The following ACOT11 variants were observed in gnomAD, a reference collection of about 807,000 sequenced individuals.
ACOT11 encodes acyl-coenzyme A thioesterase 11.
A neutral mutation model predicts 77.5 loss-of-function variants in ACOT11; 69 were observed. That is an observed-to-expected ratio of 0.89 (90% confidence interval 0.73 to 1.09). The LOEUF (loss-of-function observed/expected upper bound fraction) is 1.09. Ranked by LOEUF, ACOT11 falls within the 50% of genes least tolerant of loss-of-function variation. The probability of loss-of-function intolerance (pLI) is 0.00; values close to 1 mark genes in which losing one functional copy is unlikely to be tolerated. For missense variants in ACOT11, 766 were observed against 813.7 expected, an observed-to-expected ratio of 0.94 and a Z score of 0.71; for synonymous variants, 279 against 313.0, an observed-to-expected ratio of 0.89 and a Z score of 1.15.
intron 1 of ACOT11, among the ~76,000 whole-genome samples, chr1:54,565,226 G>A (rs1476329885): frequency 6.6e-6 from 1 of 152,180 alleles, no homozygotes; most frequent in African/African-American, 2.4e-5. Flanking sequence ...TTCTGGATGG[G>A]GAGTCGAGGC....
downstream of ACOT11, among the ~76,000 whole-genome samples, chr1:54,615,094 G>A (rs77314204): frequency 6.6e-6 from 1 of 152,110 alleles, no homozygotes; most frequent in Non-Finnish European, 1.5e-5. Context: ...CATCTCCTGC[G>A]GGGAGGAAAC....
intron 10 of ACOT11, 63 bp from the exon 11 acceptor site, chr1:54,603,808 T>C (rs1330968123): frequency 2.7e-6 from 4 of 1,483,300 alleles, no homozygotes; most frequent in East Asian, 4.5e-5. Context: ...AGGCCTGCAG[T>C]AGAGTCTGTG....
intron 7 of ACOT11, among the ~76,000 whole-genome samples, chr1:54,599,072 G>A (rs555048399): frequency 7.4e-6 from 1 of 135,606 alleles, no homozygotes; most frequent in South Asian, 2.6e-4. Flanking sequence ...CTTGAACCCA[G>A]GAGGCAGAAG....
At chr1:54,610,346 C>A, downstream of ACOT11, 5 of 1,578,500 alleles carry the variant, frequency 3.2e-6, no homozygotes, top group Non-Finnish European at 3.4e-6. Flanking sequence ...CCGGCGGTAC[C>A]TGCCCCAAGC....
downstream of ACOT11, chr1:54,614,729 C>A (rs1157718332): frequency 3.1e-6 from 5 of 1,613,910 alleles, no homozygotes; most frequent in Non-Finnish European, 3.4e-6. Context: ...TTGAGATGAG[C>A]ATGTTGGGGC....
rs199698636 is a variant in ACOT11 at position 54,597,307 on chromosome 1, G to C, written c.656G>C (p.Arg219Pro). The change falls in exon 7 of 16, where the codon CGT (arginine) becomes CCT (proline). Residue 219 changes from arginine to proline, a missense_variant. Transcript: ENST00000343744. ...CSRMVPAEKT[R>P]VESVELVLPP... ...CGCATGGTGCCGGCTGAGAAGACCC[G>C]TGTGGAGAGTGTGGAGCTGGTCCTG... 26 of 1,613,694 alleles carry C rather than the reference G, an allele frequency of 1.6e-5. No individual in the cohort carries two copies. Among genetic ancestry groups the C allele is most frequent in the Non-Finnish European group, 2.2e-5 (26 of 1,180,036 alleles).
At chr1:54,586,109 A>C in intron 3 of ACOT11, among the ~76,000 whole-genome samples, 1 of 2,074 alleles carries the variant, frequency 4.8e-4, no homozygotes, top group Middle Eastern at 0.1. Context: ...TGTTCTGTGC[A>C]GTGGGTGGGT....
intron 13 of ACOT11, among the ~76,000 whole-genome samples, chr1:54,606,687 C>G (rs1408659852): frequency 6.6e-6 from 1 of 152,202 alleles, no homozygotes. Context: ...ACATGTAAAG[C>G]ATTTAGAACA....
At chr1:54,548,602 C>T (rs1569620471) in intron 1 of ACOT11, 4 of 570,010 alleles carry the variant, frequency 7.0e-6, no homozygotes, top group Non-Finnish European at 1.2e-5. Flanking sequence ...CAAGTGTCGG[C>T]CTCTGGAATT....
downstream of ACOT11, chr1:54,612,714 C>CA (rs763058077): frequency 4.1e-5 from 66 of 1,609,558 alleles, no homozygotes; most frequent in African/African-American, 5.1e-4. Flanking sequence ...CAGGAACCTG[C>CA]AAAAAAATCA....
At chr1:54,634,562 A>C (rs1644320099) in intron 16 of ACOT11, 1 of 552,538 alleles carries the variant, frequency 1.8e-6, no homozygotes, top group Non-Finnish European at 3.2e-6. Flanking sequence ...GTGGAAAAAT[A>C]GGGATTACAG....
intron 3 of ACOT11, among the ~76,000 whole-genome samples, chr1:54,591,460 AG>A (rs1459918374): frequency 3.9e-5 from 6 of 152,244 alleles, no homozygotes; most frequent in African/African-American, 1.4e-4. Context: ...CTTGACCAGC[AG>A]GCCCCTTGGA....
At chr1:54,585,761 A>G (rs1654477037) in intron 2 of ACOT11, 74 bp from the exon 3 acceptor site, 2 of 1,519,032 alleles carry the variant, frequency 1.3e-6, no homozygotes, top group Admixed American at 3.5e-5. Context: ...AAGCCTCCTG[A>G]GGAGGTGCCA....
chr1:54,625,474 G>A (rs1644266441), intron 15 of ACOT11, among the ~76,000 whole-genome samples: 1 of 152,192 alleles, frequency 6.6e-6, no homozygotes, highest in African/African-American at 2.4e-5. Context: ...GCCTCACCCA[G>A]ATCCCTTCTG....
intron 1 of ACOT11, 24 bp downstream of exon 1, chr1:54,548,366 C>T (rs781719234): frequency 1.7e-5 from 27 of 1,596,466 alleles, no homozygotes; most frequent in South Asian, 8.0e-5. Context: ...GCTGGGGCAG[C>T]GGGAGGGCTC....
chr1:54,561,653 G>A (rs1653491998), intron 1 of ACOT11, among the ~76,000 whole-genome samples: 2 of 136,966 alleles, frequency 1.5e-5, no homozygotes, highest in African/African-American at 5.7e-5. Flanking sequence ...CGGGCAGAGG[G>A]GCTCCTCACT....
At chr1:54,572,493 G>A (rs1008259477) in intron 1 of ACOT11, among the ~76,000 whole-genome samples, 5 of 152,244 alleles carry the variant, frequency 3.3e-5, no homozygotes, top group East Asian at 1.9e-4. Context: ...CCACCCCACC[G>A]TCAGGGCCTG....
chr1:54,610,850 C>T, downstream of ACOT11: 1 of 985,380 alleles, frequency 1.0e-6, no homozygotes, highest in Non-Finnish European at 1.2e-6. Context: ...AATGCTGAGT[C>T]TGATGGGGCC....
At position 54,548,557 on chromosome 1, in the gene ACOT11, C is replaced by G. The variant is rs910355734; in HGVS notation, c.33+215C>G. ...AAGCCCCAGGGGCTGTCAGATCCCCCACGGGCTGGCTGTGTAGAGTGGAAT... is the reference window on the plus strand; with the variant it reads ...AAGCCCCAGGGGCTGTCAGATCCCCGACGGGCTGGCTGTGTAGAGTGGAAT... On this transcript the variant is annotated intron_variant, in intron 1 of 15. Transcript: ENST00000343744. 6.6e-5 allele frequency: 42 copies of G among 633,946 alleles called. 1 individual carries two copies. The highest frequency in any genetic ancestry group is 7.2e-4 in the Middle Eastern group (2 of 2,796). 39.3% of individuals were successfully genotyped at this position (633,946 alleles called of 1,614,324 possible). A position where few individuals can be genotyped will look rare whatever the true frequency, so the allele number is the denominator to read the frequency against.
Sources: gnomAD v4.1 joint callset for allele counts (sites outside exome capture counted in the v4.1 genomes callset) on GRCh38, gnomAD v4.1.1 for gene constraint, MANE v1.5 for transcripts, NCBI Gene and HGNC (gene_info 2026-07-23, HGNC 2026-07-21) for gene names.